Variants in AMN observed in about 807,000 individuals in gnomAD.
AMN encodes the protein amnion associated transmembrane protein, also known as protein amnionless.
Under a neutral mutation model 49.1 loss-of-function variants are expected in AMN, and 40 were observed. The observed-to-expected ratio is 0.81, with a 90% CI of 0.63 to 1.06. The LOEUF is 1.06. Among genes scored for constraint, AMN ranks in the 50% least tolerant of loss-of-function variants. The probability of loss-of-function intolerance (pLI) is 0.00; values close to 1 mark genes in which losing one functional copy is unlikely to be tolerated. For synonymous variants in AMN, 380 were observed against 313.3 expected, an observed-to-expected ratio of 1.21 and a Z score of -2.25; for missense variants, 701 against 662.8, an observed-to-expected ratio of 1.06 and a Z score of -0.63.
At position 102,930,577 on chromosome 14, in the gene AMN, C is replaced by G. The variant is rs755801781; in HGVS notation, c.1259C>G (p.Pro420Arg). ...VFDVTASEEL[P>R]LPRRLSLVPK... ...CCGCCTGACCCTGTCACCCCGCAGC[C>G]CCTGCCGCGGCGGCTCAGCCTGGTT... The change falls in exon 12 of 12, where the codon CCC becomes CGC. Residue 420 changes from proline (P) to arginine (R), a missense_variant and splice_region_variant. Coordinates refer to ENST00000299155, the MANE Select transcript of AMN (RefSeq NM_030943.4). 4 of 1,574,674 alleles carry G rather than the reference C, an allele frequency of 2.5e-6. No individual in the cohort carries two copies. Among genetic ancestry groups the G allele is most frequent in the Admixed American group, 1.8e-5 (1 of 54,730 alleles).
At position 102,930,724 on chromosome 14, in the gene AMN, G is replaced by GC. The variant is rs1170504284; in HGVS notation, c.*48dup. Reference sequence around the variant, plus strand: ...ACCTTGGGGCTCTCCACCCGCTCTGGCCCCAGTCGAACTGGGGGCTAGCCA... The same window carrying GC: ...ACCTTGGGGCTCTCCACCCGCTCTGGCCCCCAGTCGAACTGGGGGCTAGCCA... On this transcript the variant is annotated 3_prime_UTR_variant, in exon 12 of 12. Transcript: ENST00000299155. The GC allele has an allele frequency of 7.8e-6, 12 of 1,537,640 alleles. No homozygotes were observed. Among genetic ancestry groups the GC allele is most frequent in the Non-Finnish European group, 1.1e-5 (12 of 1,139,188 alleles).
At position 102,930,092 on chromosome 14, in the gene AMN, C is replaced by T. The variant is rs1891302009; in HGVS notation, c.1006+6C>T. 6.5e-7 allele frequency: 1 copy of T among 1,530,384 alleles called. No individual in the cohort carries two copies. The allele number at this position is 1,530,384 out of a possible 1,614,324, so 94.8% of individuals were successfully genotyped here. On this transcript the variant is annotated splice_donor_region_variant and intron_variant, in intron 9 of 11. Coordinates refer to ENST00000299155, the MANE Select transcript of AMN (RefSeq NM_030943.4). ...GGCGGACGTCGCCGAGAACGGTAAC[C>T]GCGCCCGCCCCATCCCGCCCCGCCG...
At position 102,929,921 on chromosome 14, in the gene AMN, C is replaced by T. The variant is rs145519816; in HGVS notation, c.844-3C>T. On this transcript the variant is annotated splice_polypyrimidine_tract_variant and splice_region_variant and intron_variant, in intron 8 of 11. Coordinates refer to ENST00000299155, the MANE Select transcript of AMN (RefSeq NM_030943.4). ...GTCAAACCAACCCCGTCCCCCTCCC[C>T]AGCCTCAGTACCACGGGCTGCAGGT... The T allele has an allele frequency of 4.6e-4, 712 of 1,555,878 alleles. 1 individual carries two copies. Among genetic ancestry groups the T allele is most frequent in the African/African-American group, 2.4e-3 (176 of 73,302 alleles).
chr14:102,928,824 G>T lies in AMN; in HGVS notation c.362G>T (p.Gly121Val). ...CATGACCCGCACCTGTGGCGCTCTG[G>T]GGACGAGGCACCTGGCCTCTTCTTC... ...SWHDPHLWRSGDEAPGLFFVD... is the reference protein window; with the variant it reads ...SWHDPHLWRSVDEAPGLFFVD... The change falls in exon 5 of 12, where the codon GGG (glycine) becomes GTG (valine). Residue 121 changes from glycine (G) to valine (V), a missense_variant. Physicochemically the swap from Gly to Val is moderately radical, Grantham distance 109. Coordinates refer to ENST00000299155, the MANE Select transcript of AMN (RefSeq NM_030943.4). The T allele has an allele frequency of 6.2e-7, 1 of 1,607,194 alleles. No individual in the cohort carries two copies.
rs775398085 is a variant in AMN, at chr14:102,929,984, G to A, written c.904G>A (p.Glu302Lys). 1 of 1,564,682 alleles carries A rather than the reference G, an allele frequency of 6.4e-7. No individual in the cohort carries two copies. Among genetic ancestry groups the A allele is most frequent in the Non-Finnish European group, 8.7e-7 (1 of 1,155,608 alleles). ...GGTGCCACGCTCGTCCCGGCTCCGT[G>A]AGGCCGATACGGAGATCCAGGTGGT... is the stretch of plus-strand genomic sequence containing the variant. Reference protein sequence around the residue: ...SKVPRSSRLREADTEIQVVLV... With the variant: ...SKVPRSSRLRKADTEIQVVLV... Residue 302 changes from glutamate to lysine, a missense_variant, in exon 9 of 12, where the codon GAG becomes AAG. Transcript: ENST00000299155.
chr14:102,923,854 G>C (rs767280834), intron 2 of AMN, 25 bp downstream of exon 2: 1 of 1,612,510 alleles, frequency 6.2e-7, no homozygotes, highest in Non-Finnish European at 8.5e-7. Flanking sequence ...CGGCGGGGTC[G>C]GTGATGGGCC....
At chr14:102,924,961 C>T (rs1032854585) in intron 3 of AMN, among the ~76,000 whole-genome samples, 1 of 152,210 alleles carries the variant, frequency 6.6e-6, no homozygotes, top group African/African-American at 2.4e-5. Flanking sequence ...ATTCACACCT[C>T]AGCGACAGTA....
intron 1 of AMN, 188 bp downstream of exon 1, chr14:102,922,919 GC>G: frequency 1.2e-6 from 1 of 806,170 alleles, no homozygotes; most frequent in Non-Finnish European, 1.9e-6. Flanking sequence ...GAAGTGCGCG[GC>G]CAGTGCATCG....
In AMN at chr14:102,930,795, CG is replaced by C; in HGVS notation, c.*120del. ...ACCTCCCCTTCCTTTCCCCCTCCTC[CG>C]GGGGCCAAGGACAGGGTGGCCTTAC... On this transcript the variant is annotated 3_prime_UTR_variant, in exon 12 of 12. Coordinates refer to ENST00000299155, the MANE Select transcript of AMN (RefSeq NM_030943.4). 4 of 1,200,556 alleles carry C rather than the reference CG, an allele frequency of 3.3e-6. No individual in the cohort carries two copies. Among genetic ancestry groups the C allele is most frequent in the Admixed American group, 2.0e-5 (1 of 50,364 alleles). 74.4% of individuals were successfully genotyped at this position (1,200,556 alleles called of 1,614,324 possible).
In AMN at chr14:102,930,606, A is replaced by C; in HGVS notation, c.1288A>C (p.Lys430Gln). Residue 430 changes from lysine to glutamine, a missense_variant, in exon 12 of 12, where the codon AAG becomes CAG. Physicochemically the swap from Lys to Gln is moderately conservative, Grantham distance 53. Coordinates refer to ENST00000299155, the MANE Select transcript of AMN (RefSeq NM_030943.4). Reference protein sequence around the residue: ...PLPRRLSLVPKAAADSTSHSY... With the variant: ...PLPRRLSLVPQAAADSTSHSY... Reference sequence around the variant, plus strand: ...GCCGCGGCGGCTCAGCCTGGTTCCGAAGGCGGCCGCAGACAGCACCAGCCA... The same window carrying C: ...GCCGCGGCGGCTCAGCCTGGTTCCGCAGGCGGCCGCAGACAGCACCAGCCA... 6.3e-7 allele frequency: 1 copy of C among 1,589,772 alleles called. No individual in the cohort carries two copies. Among genetic ancestry groups the C allele is most frequent in the East Asian group, 2.3e-5 (1 of 43,098 alleles).
chr14:102,928,476 C>G lies in AMN; in HGVS notation c.258C>G (p.Gly86=), dbSNP rs1199705977. ...TCCTGGCTTCAGGAGCCGGATTCGG[C>G]GTCTCAGACGTGGGCTCGCACCTGG... ...ELVLASGAGF[G]VSDVGSHLDC... Residue 86 remains glycine, a synonymous_variant, in exon 4 of 12, where the codon GGC becomes GGG. Coordinates refer to ENST00000299155, the MANE Select transcript of AMN (RefSeq NM_030943.4). The G allele has an allele frequency of 6.2e-7, 1 of 1,609,668 alleles. No individual in the cohort carries two copies. Among genetic ancestry groups the G allele is most frequent in the South Asian group, 1.1e-5 (1 of 90,742 alleles).
At position 102,930,162 on chromosome 14, in the gene AMN, C is replaced by G; in HGVS notation, c.1007-3C>G. The G allele has an allele frequency of 6.7e-7, 1 of 1,489,236 alleles. No homozygotes were observed. The highest frequency in any genetic ancestry group is 8.9e-7 in the Non-Finnish European group (1 of 1,126,330). The allele number at this position is 1,489,236 out of a possible 1,614,324, so 92.3% of individuals were successfully genotyped here. ...GAAGACTGAGCCGGCCCCTCCGTCG[C>G]AGGCGAGGCCCTCGGCGTCCTGGAG... On this transcript the variant is annotated splice_region_variant and splice_polypyrimidine_tract_variant and intron_variant, in intron 9 of 11. Coordinates refer to ENST00000299155, the MANE Select transcript of AMN (RefSeq NM_030943.4).
intron 8 of AMN, 38 bp from the exon 9 acceptor site, chr14:102,929,886 G>T: frequency 1.3e-6 from 2 of 1,549,450 alleles, no homozygotes; most frequent in Non-Finnish European, 1.7e-6. Context: ...CGGGGAGGGC[G>T]GGGGGCTGAG....
Position 102,928,874 on chromosome 14 carries a change from C to A in AMN, c.412C>A (p.Arg138Ser), listed in dbSNP as rs769843598. 4 of 1,604,264 alleles carry A rather than the reference C, an allele frequency of 2.5e-6. No individual in the cohort carries two copies. The South Asian group carries it at 4.4e-5, about 18-fold the overall frequency. The change falls in exon 5 of 12, where the codon CGC becomes AGC. Residue 138 changes from arginine (R) to serine (S), a missense_variant. Transcript: ENST00000299155. ...CGTGGACGCCGAGCGCGTGCCCTGCCGCCACGACGACGTCTTCTTTCCGCC... is the reference window on the plus strand; with the variant it reads ...CGTGGACGCCGAGCGCGTGCCCTGCAGCCACGACGACGTCTTCTTTCCGCC... Reference protein sequence around the residue: ...FFVDAERVPCRHDDVFFPPSA... With the variant: ...FFVDAERVPCSHDDVFFPPSA...
rs60280581 is a variant in AMN at position 102,927,512 on chromosome 14, G to C, written c.208-914G>C. 7.9e-5 allele frequency among the ~76,000 whole-genome samples: 12 copies of C among 152,108 alleles called. No homozygotes were observed. The East Asian group carries it at 2.3e-3, about 29-fold the overall frequency. On this transcript the variant is annotated intron_variant, in intron 3 of 11. Coordinates refer to ENST00000299155, the MANE Select transcript of AMN (RefSeq NM_030943.4). The stretch of plus-strand genomic sequence containing the variant: ...TGTGGGGGGACTTGCCCTGCTGGCA[G>C]TGCCACACCCTCAGGTGTGCACGGA...
chr14:102,930,320 A>AGGCTCAGGTACGCGGGGC lies in AMN; in HGVS notation c.1165_1169+13dup. Reference sequence around the variant, plus strand: ...GCCGCCGCTGCTGCGCCGCGCGGGGAGGCTCAGGTACGCGGGGCGGGGGCG... The same window carrying AGGCTCAGGTACGCGGGGC: ...GCCGCCGCTGCTGCGCCGCGCGGGGAGGCTCAGGTACGCGGGGCGGCTCAGGTACGCGGGGCGGGGGCG... On this transcript the variant is annotated inframe_insertion, in exon 10 of 12. Coordinates refer to ENST00000299155, the MANE Select transcript of AMN (RefSeq NM_030943.4). 1 of 1,378,832 alleles carries AGGCTCAGGTACGCGGGGC rather than the reference A, an allele frequency of 7.3e-7. No individual in the cohort carries two copies. The highest frequency in any genetic ancestry group is 9.3e-7 in the Non-Finnish European group (1 of 1,074,378). 85.4% of individuals were successfully genotyped at this position (1,378,832 alleles called of 1,614,324 possible).
Position 102,930,509 on chromosome 14 carries a change from G to A in AMN, c.1257+16G>A, listed in dbSNP as rs749049449. On this transcript the variant is annotated intron_variant, in intron 11 of 11. Coordinates refer to ENST00000299155, the MANE Select transcript of AMN (RefSeq NM_030943.4). ...CGAGGAGCTGGTGAGGGGGCTGGAG[G>A]GGGGACCGGGGCCTCCTCGGGGCCG... is the stretch of plus-strand genomic sequence containing the variant. 1.2e-5 allele frequency: 19 copies of A among 1,539,256 alleles called. 1 individual carries two copies. The highest frequency in any genetic ancestry group is 2.0e-4 in the Middle Eastern group (1 of 5,006).
intron 3 of AMN, among the ~76,000 whole-genome samples, chr14:102,925,305 C>A (rs962934738): frequency 3.9e-5 from 6 of 152,238 alleles, no homozygotes; most frequent in African/African-American, 1.4e-4. Context: ...CCCATTCCTG[C>A]CCCATGCGGG....
chr14:102,926,209 A>C (rs1427824106), intron 3 of AMN, among the ~76,000 whole-genome samples: 1 of 152,184 alleles, frequency 6.6e-6, no homozygotes, highest in Non-Finnish European at 1.5e-5. Flanking sequence ...TTCGTTTGAG[A>C]ATCGCGTCTG....
Sources: allele counts gnomAD v4.1 joint callset (sites outside exome capture counted in the v4.1 genomes callset), GRCh38; gene constraint gnomAD v4.1.1; transcripts MANE v1.5; gene names NCBI Gene and HGNC (gene_info 2026-07-23, HGNC 2026-07-21).